Variants in OSBPL10 observed in about 807,000 individuals in gnomAD.
The protein encoded by OSBPL10 is oxysterol binding protein like 10.
Under a neutral mutation model 81.7 loss-of-function variants are expected in OSBPL10, and 49 were observed. The observed-to-expected ratio is 0.60, with a 90% CI of 0.48 to 0.76. The LOEUF (loss-of-function observed/expected upper bound fraction) is 0.76. OSBPL10 is among the 30% of genes least tolerant of loss of function. The pLI, the probability that OSBPL10 is intolerant of heterozygous loss-of-function variation, is 0.00. For missense variants in OSBPL10, 923 were observed against 987.8 expected, an observed-to-expected ratio of 0.93 and a Z score of 0.88; for synonymous variants, 419 against 383.6, an observed-to-expected ratio of 1.09 and a Z score of -1.08.
rs1156584236 is a variant in OSBPL10 at position 31,965,693 on chromosome 3, TATATA to T, written c.281+15201_281+15205del. Among the ~76,000 whole-genome samples, 91 of 51,088 alleles carry T rather than the reference TATATA, an allele frequency of 1.8e-3. 6 individuals carry two copies. The highest frequency in any genetic ancestry group is 3.7e-3 in the African/African-American group (23 of 6,280). The allele number at this position is 51,088 out of a possible 152,430, so 33.5% of individuals were successfully genotyped here. On this transcript the variant is annotated intron_variant, in intron 1 of 11. Transcript: ENST00000396556. Reference sequence around the variant, plus strand: ...TTTATATAATATATATTATATAAAATATATAATATATTATATAAAATATATAATAT... The same window carrying T: ...TTTATATAATATATATTATATAAAATATATATTATATAAAATATATAATAT...
At chr3:31,966,344 G>T (rs566936103) in intron 1 of OSBPL10, among the ~76,000 whole-genome samples, 1 of 151,560 alleles carries the variant, frequency 6.6e-6, no homozygotes, top group Non-Finnish European at 1.5e-5. Flanking sequence ...AGCACTAAAT[G>T]TTTACATTAG....
chr3:32,008,814 A>C (rs1699227569), intron 2 of OSBPL10, among the ~76,000 whole-genome samples: 1 of 152,092 alleles, frequency 6.6e-6, no homozygotes, highest in Non-Finnish European at 1.5e-5. Flanking sequence ...GGAAGTACAT[A>C]TATTTACATG....
intron 4 of OSBPL10, among the ~76,000 whole-genome samples, chr3:31,760,391 G>A (rs1697997975): frequency 6.6e-6 from 1 of 152,138 alleles, no homozygotes; most frequent in Non-Finnish European, 1.5e-5. Flanking sequence ...GACTCCGCCT[G>A]GATATCAAAA....
intron 5 of OSBPL10, among the ~76,000 whole-genome samples, chr3:31,738,470 G>T (rs1240381577): frequency 6.6e-6 from 1 of 151,854 alleles, no homozygotes. Flanking sequence ...AATGTAAATA[G>T]AAACCGACAA....
chr3:31,964,711 T>C (rs1265728457), intron 1 of OSBPL10, among the ~76,000 whole-genome samples: 1 of 152,208 alleles, frequency 6.6e-6, no homozygotes, highest in Non-Finnish European at 1.5e-5. Flanking sequence ...AACAACACCC[T>C]GGCCTGAAAT....
chr3:31,794,604 G>T, intron 4 of OSBPL10: 1 of 354,478 alleles, frequency 2.8e-6, no homozygotes, highest in Non-Finnish European at 5.6e-6. Context: ...ACGTGATGCT[G>T]AAGAACCTGG....
chr3:32,058,233 A>T (rs1699727650), intron 1 of OSBPL10, among the ~76,000 whole-genome samples: 1 of 152,220 alleles, frequency 6.6e-6, no homozygotes, highest in South Asian at 2.1e-4. Flanking sequence ...AGATAGAGGG[A>T]TAGATATGTG....
chr3:31,976,293 T>C (rs1698695329), intron 1 of OSBPL10, among the ~76,000 whole-genome samples: 1 of 152,232 alleles, frequency 6.6e-6, no homozygotes, highest in African/African-American at 2.4e-5. Flanking sequence ...TCTCATTTAA[T>C]CTTCACATTG....
chr3:31,865,283 C>T (rs1288415657), intron 3 of OSBPL10, among the ~76,000 whole-genome samples: 2 of 152,200 alleles, frequency 1.3e-5, no homozygotes, highest in Admixed American at 1.3e-4. Flanking sequence ...CAATACGCAG[C>T]CATCAGCCAG....
intron 4 of OSBPL10, among the ~76,000 whole-genome samples, chr3:31,827,867 G>A (rs1700139054): frequency 6.6e-6 from 1 of 152,048 alleles, no homozygotes; most frequent in South Asian, 2.1e-4. Flanking sequence ...ATACACAAAA[G>A]CCATACTTAT....
At chr3:31,846,331 A>T (rs1422462852) in intron 3 of OSBPL10, among the ~76,000 whole-genome samples, 1 of 152,164 alleles carries the variant, frequency 6.6e-6, no homozygotes, top group Non-Finnish European at 1.5e-5. Context: ...CAATTTAAAA[A>T]ATCCTACTGG....
intron 4 of OSBPL10, among the ~76,000 whole-genome samples, chr3:31,808,867 A>G (rs374749871): frequency 6.6e-6 from 1 of 152,248 alleles, no homozygotes; most frequent in African/African-American, 2.4e-5. Context: ...TACTCCCAGA[A>G]CTGGAATCTT....
intron 2 of OSBPL10, among the ~76,000 whole-genome samples, chr3:32,026,061 A>AGATAGATAGATAGATAGAT (rs1553649788): frequency 1.8e-3 from 167 of 90,806 alleles, no homozygotes; most frequent in African/African-American, 5.8e-3. Context: ...GATAGATGAT[A>AGATAGATAGATAGATAGAT]GATAGATAGA....
At chr3:31,876,265 A>G (rs1465585957) in intron 3 of OSBPL10, among the ~76,000 whole-genome samples, 168 bp downstream of exon 3, 1 of 152,182 alleles carries the variant, frequency 6.6e-6, no homozygotes, top group African/African-American at 2.4e-5. Flanking sequence ...AAATCTTACT[A>G]CATTTCTCCT....
intron 3 of OSBPL10, among the ~76,000 whole-genome samples, chr3:31,874,621 C>T (rs1701404621): frequency 6.6e-6 from 1 of 152,024 alleles, no homozygotes; most frequent in Non-Finnish European, 1.5e-5. Flanking sequence ...ACATACTTGG[C>T]CCCAGTCATG....
At chr3:31,885,720 T>C (rs1261504226) in intron 1 of OSBPL10, among the ~76,000 whole-genome samples, 1 of 151,458 alleles carries the variant, frequency 6.6e-6, no homozygotes, top group Non-Finnish European at 1.5e-5. Flanking sequence ...CAGTGGCTCA[T>C]GCCTATAATC....
At chr3:32,025,837 GTCTCT>G (rs1032655408) in intron 2 of OSBPL10, among the ~76,000 whole-genome samples, 5 of 151,938 alleles carry the variant, frequency 3.3e-5, no homozygotes, top group African/African-American at 1.2e-4. Flanking sequence ...CTGATTTTGT[GTCTCT>G]TCTTTTCTTG....
intron 4 of OSBPL10, among the ~76,000 whole-genome samples, chr3:31,759,052 A>G (rs548704490): frequency 2.0e-5 from 3 of 151,810 alleles, no homozygotes; most frequent in South Asian, 2.1e-4. Flanking sequence ...TTCCTCCCCT[A>G]TGATTTCTAC....
At chr3:31,910,117 G>T (rs1394513279) in intron 1 of OSBPL10, among the ~76,000 whole-genome samples, 4 of 151,742 alleles carry the variant, frequency 2.6e-5, no homozygotes, top group African/African-American at 4.8e-5. Flanking sequence ...GAGTATCTGG[G>T]ACTGCAGGAA....
Sources: gnomAD v4.1 joint callset for allele counts (sites outside exome capture counted in the v4.1 genomes callset) on GRCh38, gnomAD v4.1.1 for gene constraint, MANE v1.5 for transcripts, NCBI Gene and HGNC (gene_info 2026-07-23, HGNC 2026-07-21) for gene names.